Variants in ZNF665 observed in about 807,000 individuals in gnomAD.
The protein encoded by ZNF665 is zinc finger protein 665.
A neutral mutation model predicts 7.9 loss-of-function variants in ZNF665; 6 were observed. That is an observed-to-expected ratio of 0.76 (90% CI 0.42 to 1.50). The LOEUF (loss-of-function observed/expected upper bound fraction) is 1.50. Among genes scored for constraint, ZNF665 ranks in the 40% most tolerant of loss-of-function variants. The pLI is 0.01. For synonymous variants in ZNF665, 242 were observed against 274.5 expected (o/e 0.88, Z 1.17); for missense variants, 819 against 806.7 (o/e 1.02, Z -0.18).
chr19:53,173,850 C>T (rs968096689), intron 3 of ZNF665, among the ~76,000 whole-genome samples: 12 of 152,086 alleles, frequency 7.9e-5, no homozygotes, highest in Non-Finnish European at 1.8e-4. Flanking sequence ...GATACATGCC[C>T]GATGTAGGAC....
rs1428066523 is a variant in ZNF665 at position 53,164,850 on chromosome 19, C to T, written c.1640G>A (p.Cys547Tyr). The change falls in exon 4 of 4, where the codon TGC (cysteine) becomes TAC (tyrosine). Residue 547 changes from cysteine to tyrosine, a missense_variant. Physicochemically the swap from Cys to Tyr is radical, Grantham distance 194. Transcript: ENST00000396424. ...TGQKPYKCND[C>Y]GKVFRHNSYL... Reference sequence around the variant, plus strand: ...CGAATTGTGTCTGAAGACCTTGCCGCAATCATTACATTTGTATGGTTTTTG... The same window carrying T: ...CGAATTGTGTCTGAAGACCTTGCCGTAATCATTACATTTGTATGGTTTTTG... 7 of 1,613,990 alleles carry T rather than the reference C, an allele frequency of 4.3e-6. No homozygotes were observed. Among genetic ancestry groups the T allele is most frequent in the African/African-American group, 2.7e-5 (2 of 74,898 alleles).
intron 1 of ZNF665, among the ~76,000 whole-genome samples, chr19:53,183,448 G>A (rs1362194768): frequency 2.6e-5 from 4 of 152,178 alleles, no homozygotes; most frequent in South Asian, 2.1e-4. Context: ...CTAAGGGGGC[G>A]TAAGAGATGT....
chr19:53,190,638 A>G (rs1162151974), intron 1 of ZNF665, among the ~76,000 whole-genome samples: 1 of 152,216 alleles, frequency 6.6e-6, no homozygotes, highest in Non-Finnish European at 1.5e-5. Flanking sequence ...AGTATCCTTT[A>G]TAACAATTAG....
intron 3 of ZNF665, among the ~76,000 whole-genome samples, chr19:53,170,555 C>CTA (rs1243955328): frequency 6.6e-6 from 1 of 152,128 alleles, no homozygotes; most frequent in African/African-American, 2.4e-5. Context: ...ATTTCTGTGC[C>CTA]TAGATTATTT....
rs4801959 is a variant in ZNF665, at chr19:53,166,020, T to C, written c.470A>G (p.His157Arg). 1,552,157 of 1,613,978 alleles carry C rather than the reference T, an allele frequency of 0.96. 746,656 individuals are homozygous for C. The highest frequency in any genetic ancestry group is 0.97 in the South Asian group (88,677 of 91,080). ...ATTGTATTCATAAATTTTCCCTTCATGTTGAAATTGCTGCAGTTCAGGGAG... is the reference window on the plus strand; with the variant it reads ...ATTGTATTCATAAATTTTCCCTTCACGTTGAAATTGCTGCAGTTCAGGGAG... The part of the protein sequence containing the change: ...SHLPELQQFQ[H>R]EGKIYEYNQV... The change falls in exon 4 of 4, where the codon CAT becomes CGT. Residue 157 changes from histidine (H) to arginine (R), a missense_variant. By Grantham distance (29) the His-to-Arg change is conservative. Transcript: ENST00000396424.
intron 3 of ZNF665, among the ~76,000 whole-genome samples, chr19:53,174,410 A>G (rs1323120660): frequency 6.6e-6 from 1 of 152,170 alleles, no homozygotes. Flanking sequence ...AATTCTTATC[A>G]GTGATCACAG....
Position 53,167,015 on chromosome 19 carries a change from T to C in ZNF665, c.143-668A>G, listed in dbSNP as rs530521541. Reference sequence around the variant, plus strand: ...TATTTCTTTCTTTCTTTCTTTCTTTTTTTTGAGAAGGACTTTTGCTCTTGT... The same window carrying C: ...TATTTCTTTCTTTCTTTCTTTCTTTCTTTTGAGAAGGACTTTTGCTCTTGT... On this transcript the variant is annotated intron_variant, in intron 3 of 3. Coordinates refer to ENST00000396424, the MANE Select transcript of ZNF665 (RefSeq NM_024733.5). 3.2e-3 allele frequency among the ~76,000 whole-genome samples: 411 copies of C among 126,776 alleles called. 2 individuals carry two copies. Among genetic ancestry groups the C allele is most frequent in the African/African-American group, 0.01 (391 of 38,580 alleles). 83.2% of individuals were successfully genotyped at this position (126,776 alleles called of 152,430 possible).
At chr19:53,191,278 G>A (rs7247695) in intron 1 of ZNF665, among the ~76,000 whole-genome samples, 2,238 of 152,126 alleles carry the variant, frequency 0.015, 56 homozygotes, top group African/African-American at 0.051. Context: ...TTTGTTGAGC[G>A]TTCATTACTT....
intron 2 of ZNF665, 139 bp from the exon 3 acceptor site, chr19:53,175,710 A>G: frequency 1.0e-6 from 1 of 963,582 alleles, no homozygotes; most frequent in Non-Finnish European, 1.5e-6. Flanking sequence ...ATCACGGTAC[A>G]TACAGATTTG....
At chr19:53,168,774 A>G (rs1242724449) in intron 3 of ZNF665, among the ~76,000 whole-genome samples, 3 of 152,196 alleles carry the variant, frequency 2.0e-5, no homozygotes, top group South Asian at 4.1e-4. Flanking sequence ...TGAAATAGAG[A>G]ATACTGAAAT....
At chr19:53,189,833 C>T (rs150563475) in intron 1 of ZNF665, among the ~76,000 whole-genome samples, 142 of 152,082 alleles carry the variant, frequency 9.3e-4, no homozygotes, top group African/African-American at 3.2e-3. Context: ...TTGACACTTA[C>T]GCTACCCCTA....
chr19:53,192,248 G>A (rs963109350), intron 1 of ZNF665, among the ~76,000 whole-genome samples: 2 of 151,856 alleles, frequency 1.3e-5, no homozygotes, highest in African/African-American at 4.8e-5. Context: ...CCTCTTCCCT[G>A]TTTCACTTCC....
rs528804274 is a variant in ZNF665 at position 53,192,749 on chromosome 19, A to T, written c.-46+563T>A. On this transcript the variant is annotated intron_variant, in intron 1 of 3. Transcript: ENST00000396424. Reference sequence around the variant, plus strand: ...TCCAGCGGGTGGAGCTGGGCAGGCAAGAACACCGGGTATCACAGGACAAGG... The same window carrying T: ...TCCAGCGGGTGGAGCTGGGCAGGCATGAACACCGGGTATCACAGGACAAGG... 1.8e-3 allele frequency among the ~76,000 whole-genome samples: 275 copies of T among 152,214 alleles called. 1 individual carries two copies. The highest frequency in any genetic ancestry group is 6.5e-3 in the African/African-American group (269 of 41,542).
intron 3 of ZNF665, among the ~76,000 whole-genome samples, chr19:53,167,874 A>G (rs567808949): frequency 0.015 from 2,250 of 148,282 alleles, 61 homozygotes; most frequent in African/African-American, 0.053. Context: ...GGCTAACACG[A>G]TGAAACCCCG....
In ZNF665 at chr19:53,166,002, T is replaced by A. The variant is rs567986115; in HGVS notation, c.488A>T (p.Glu163Val). 1 of 1,613,926 alleles carries A rather than the reference T, an allele frequency of 6.2e-7. No homozygotes were observed. The highest frequency in any genetic ancestry group is 1.1e-5 in the South Asian group (1 of 91,072). Residue 163 changes from glutamate to valine, a missense_variant, in exon 4 of 4, where the codon GAA becomes GTA. Glu to Val is a moderately radical substitution (Grantham distance 121). Coordinates refer to ENST00000396424, the MANE Select transcript of ZNF665 (RefSeq NM_024733.5). ...QQFQHEGKIYEYNQVEKSPNN... is the reference protein window; with the variant it reads ...QQFQHEGKIYVYNQVEKSPNN... Reference sequence around the variant, plus strand: ...AGGAGACTTCTCAACTTGATTGTATTCATAAATTTTCCCTTCATGTTGAAA... The same window carrying A: ...AGGAGACTTCTCAACTTGATTGTATACATAAATTTTCCCTTCATGTTGAAA...
chr19:53,177,803 C>A (rs2090709856), intron 2 of ZNF665, among the ~76,000 whole-genome samples: 1 of 152,134 alleles, frequency 6.6e-6, no homozygotes, highest in South Asian at 2.1e-4. Context: ...TATTTTAAAT[C>A]CTTTACGTGT....
chr19:53,182,559 G>A, intron 2 of ZNF665: 1 of 692,950 alleles, frequency 1.4e-6, no homozygotes, highest in East Asian at 2.7e-5. Context: ...AGTTTACACA[G>A]AGCTGTCAAT....
intron 2 of ZNF665, 76 bp from the exon 3 acceptor site, chr19:53,175,647 A>G: frequency 2.0e-6 from 3 of 1,511,702 alleles, no homozygotes; most frequent in Non-Finnish European, 2.7e-6. Flanking sequence ...AAGAGGAGAG[A>G]GCTGTAAGAA....
At chr19:53,189,087 G>GTGTA (rs2090794178) in intron 1 of ZNF665, among the ~76,000 whole-genome samples, 3 of 151,620 alleles carry the variant, frequency 2.0e-5, no homozygotes, top group Non-Finnish European at 4.4e-5. Flanking sequence ...GTGTGTGTGT[G>GTGTA]AATAGACAAG....
Sources: allele counts gnomAD v4.1 joint callset (sites outside exome capture counted in the v4.1 genomes callset), GRCh38; gene constraint gnomAD v4.1.1; transcripts MANE v1.5; gene names NCBI Gene and HGNC (gene_info 2026-07-23, HGNC 2026-07-21).